The following DNAH5 variants were observed in gnomAD, a reference collection of about 807,000 sequenced individuals.
DNAH5 encodes the protein dynein axonemal heavy chain 5, also known as axonemal beta dynein heavy chain 5.
DNAH5 carries 372 observed loss-of-function variants against 518.2 expected under a neutral mutation model. The observed-to-expected ratio is 0.72, with a 90% CI of 0.66 to 0.78. The LOEUF (loss-of-function observed/expected upper bound fraction) is 0.78. Among genes scored for constraint, DNAH5 ranks in the 30% least tolerant of loss-of-function variants. The pLI is 0.00. For missense variants in DNAH5, 5,523 were observed against 5,687.0 expected (o/e 0.97, Z 0.93); for synonymous variants, 2,039 against 2,025.9 (o/e 1.01, Z -0.17).
chr5:13,863,771 C>T (rs1488273561), intron 28 of DNAH5, among the ~76,000 whole-genome samples: 1 of 152,160 alleles, frequency 6.6e-6, no homozygotes, highest in African/African-American at 2.4e-5. Flanking sequence ...TCAACCTAAC[C>T]ATGTCAGCCC....
At position 13,751,160 on chromosome 5, in the gene DNAH5, C is replaced by A; in HGVS notation, c.11129G>T (p.Arg3710Leu). The A allele has an allele frequency of 3.1e-6, 5 of 1,613,920 alleles. No individual in the cohort carries two copies. The highest frequency in any genetic ancestry group is 4.2e-6 in the Non-Finnish European group (5 of 1,179,906). The change falls in exon 65 of 79, where the codon CGT (arginine) becomes CTT (leucine). Residue 3710 changes from arginine to leucine, a missense_variant. Arg to Leu is a moderately radical substitution (Grantham distance 102, BLOSUM62 -2). Around this residue, in one of 3 missense-constraint regions of DNAH5, gnomAD observed 5,121 missense variants for 5,223.3 expected, o/e 0.98. Transcript: ENST00000265104. Reference sequence around the variant, plus strand: ...GACAGTGAAGTCAATGATGGAGGTACGGGCACTTATCTCAGGGGTGTAGGC... The same window carrying A: ...GACAGTGAAGTCAATGATGGAGGTAAGGGCACTTATCTCAGGGGTGTAGGC... ...NPAYTPEISARTSIIDFTVTM... is the reference protein window; with the variant it reads ...NPAYTPEISALTSIIDFTVTM...
rs72634800 is a variant in DNAH5, at chr5:13,919,443, T to A, written c.799-91A>T. 10,874 of 1,480,160 alleles carry A rather than the reference T, an allele frequency of 7.3e-3. 347 individuals are homozygous for A. The East Asian group carries it at 0.087, about 12-fold the overall frequency. 91.7% of individuals were successfully genotyped at this position (1,480,160 alleles called of 1,614,324 possible). On this transcript the variant is annotated intron_variant, in intron 6 of 78. Transcript: ENST00000265104. Reference sequence around the variant, plus strand: ...GCAAAAAACAAATAAGGAAATCAATTATCCTATCTGGATCATGATATATGC... The same window carrying A: ...GCAAAAAACAAATAAGGAAATCAATAATCCTATCTGGATCATGATATATGC...
chr5:13,955,235 G>A (rs1288559166), intron 1 of DNAH5, among the ~76,000 whole-genome samples: 1 of 152,134 alleles, frequency 6.6e-6, no homozygotes, highest in Non-Finnish European at 1.5e-5. Flanking sequence ...CTGCCACCAC[G>A]GTGAGATGTG....
intron 53 of DNAH5, among the ~76,000 whole-genome samples, chr5:13,779,939 T>C (rs1482084183): frequency 1.3e-5 from 2 of 152,184 alleles, no homozygotes; most frequent in South Asian, 2.1e-4. Context: ...ACATAAAATG[T>C]ACCTGACATG....
At chr5:13,698,958 C>T (rs907357466) in intron 78 of DNAH5, among the ~76,000 whole-genome samples, 10 of 152,154 alleles carry the variant, frequency 6.6e-5, no homozygotes, top group African/African-American at 2.4e-4. Flanking sequence ...CTGTGAGTAA[C>T]AAGGCCCAAC....
intron 65 of DNAH5, among the ~76,000 whole-genome samples, chr5:13,744,487 T>C (rs570740934): frequency 2.0e-5 from 3 of 152,150 alleles, no homozygotes; most frequent in South Asian, 2.1e-4. Flanking sequence ...AAGGAGAATA[T>C]TGAATGTTCC....
intron 1 of DNAH5, among the ~76,000 whole-genome samples, chr5:13,967,671 G>A (rs545906970): frequency 1.3e-5 from 2 of 151,996 alleles, no homozygotes; most frequent in Non-Finnish European, 2.9e-5. Context: ...TGCTCTGGCT[G>A]TATGGGCTCT....
At chr5:13,781,714 T>C (rs1043632150) in intron 52 of DNAH5, among the ~76,000 whole-genome samples, 1 of 152,072 alleles carries the variant, frequency 6.6e-6, no homozygotes, top group African/African-American at 2.4e-5. Context: ...TCTTCAGCCA[T>C]GTGGAACTAT....
intron 70 of DNAH5, among the ~76,000 whole-genome samples, chr5:13,722,418 T>C (rs1745175683): frequency 6.6e-6 from 1 of 152,218 alleles, no homozygotes; most frequent in African/African-American, 2.4e-5. Flanking sequence ...CCACTTGTGT[T>C]TGCCCTCTTT....
Position 13,919,269 on chromosome 5 carries a change from G to T in DNAH5, c.882C>A (p.Leu294=). 1 of 1,614,162 alleles carries T rather than the reference G, an allele frequency of 6.2e-7. No individual in the cohort carries two copies. Among genetic ancestry groups the T allele is most frequent in the Non-Finnish European group, 8.5e-7 (1 of 1,180,024 alleles). The change falls in exon 7 of 79, where the codon CTC becomes CTA. Residue 294 remains leucine (L), a synonymous_variant. Coordinates refer to ENST00000265104, the MANE Select transcript of DNAH5 (RefSeq NM_001369.3). The part of the protein sequence containing the change: ...RAELEHWKKR[L]SKFNYLLEQL... Reference sequence around the variant, plus strand: ...GTTCCAAAAGGTAGTTAAACTTGGAGAGTCTTTTTTTCCAGTGCTCCAGCT... The same window carrying T: ...GTTCCAAAAGGTAGTTAAACTTGGATAGTCTTTTTTTCCAGTGCTCCAGCT...
chr5:13,791,462 G>A (rs984925712), intron 50 of DNAH5, among the ~76,000 whole-genome samples: 11 of 141,776 alleles, frequency 7.8e-5, no homozygotes, highest in African/African-American at 2.8e-4. Flanking sequence ...AATGAACTTC[G>A]TAAGCTGCTG....
intron 70 of DNAH5, among the ~76,000 whole-genome samples, chr5:13,723,044 T>C (rs1021040599): frequency 1.3e-5 from 2 of 152,188 alleles, no homozygotes; most frequent in South Asian, 4.1e-4. Context: ...TTCCTCTCTA[T>C]TAGTTCAGTG....
intron 1 of DNAH5, among the ~76,000 whole-genome samples, chr5:13,990,047 C>G (rs1237225027): frequency 6.6e-6 from 1 of 152,136 alleles, no homozygotes; most frequent in Non-Finnish European, 1.5e-5. Flanking sequence ...CAAGGTCACA[C>G]AGCTAATGAG....
intron 52 of DNAH5, among the ~76,000 whole-genome samples, chr5:13,785,271 C>T (rs1755808390): frequency 6.6e-6 from 1 of 151,778 alleles, no homozygotes; most frequent in South Asian, 2.1e-4. Context: ...AATCTAATGC[C>T]ACTGGAGGCA....
chr5:13,781,010 A>T, intron 52 of DNAH5, 51 bp from the exon 53 acceptor site: 1 of 1,594,482 alleles, frequency 6.3e-7, no homozygotes, highest in Non-Finnish European at 8.6e-7. Context: ...TAAATGTTCT[A>T]TTTTTCCTAT....
At chr5:13,742,719 T>C (rs1370856172) in intron 65 of DNAH5, among the ~76,000 whole-genome samples, 1 of 152,056 alleles carries the variant, frequency 6.6e-6, no homozygotes, top group Non-Finnish European at 1.5e-5. Flanking sequence ...ATTAAAGCAA[T>C]TGCCTATATT....
chr5:13,972,932 G>A (rs1398739867), intron 1 of DNAH5, among the ~76,000 whole-genome samples: 1 of 152,224 alleles, frequency 6.6e-6, no homozygotes, highest in South Asian at 2.1e-4. Flanking sequence ...AACATAGCAA[G>A]ACCCCATCTC....
At chr5:13,959,932 C>A (rs1033235866) in intron 1 of DNAH5, among the ~76,000 whole-genome samples, 5 of 152,070 alleles carry the variant, frequency 3.3e-5, no homozygotes, top group Admixed American at 6.5e-5. Context: ...TGCGCCATTG[C>A]ACTCCAGCCT....
intron 15 of DNAH5, chr5:13,898,708 T>C (rs866714479): frequency 2.5e-6 from 1 of 398,192 alleles, no homozygotes; most frequent in East Asian, 3.6e-5. Context: ...ATAATGAGCA[T>C]GAAAATGGCT....
Sources: gnomAD v4.1 joint callset for allele counts (sites outside exome capture counted in the v4.1 genomes callset) on GRCh38, gnomAD v4.1.1 for gene constraint, gnomAD v4.1.1 regional missense constraint, MANE v1.5 for transcripts, NCBI Gene and HGNC (gene_info 2026-07-23, HGNC 2026-07-21) for gene names.